Variants in IL15 observed in about 807,000 individuals in gnomAD.
IL15 encodes the protein interleukin 15.
IL15 carries 11 observed loss-of-function variants against 19.6 expected under a neutral mutation model. The observed-to-expected ratio is 0.56, with a 90% CI of 0.35 to 0.93. The LOEUF (loss-of-function observed/expected upper bound fraction) is 0.93. IL15 is among the 40% of genes least tolerant of loss of function. The pLI, the probability that IL15 is intolerant of heterozygous loss-of-function variation, is 0.01. For missense variants in IL15, 197 were observed against 186.5 expected (o/e 1.06, Z -0.33); for synonymous variants, 58 against 59.6 (o/e 0.97, Z 0.12).
At chr4:141,706,814 C>T (rs1729532166) in intron 2 of IL15, among the ~76,000 whole-genome samples, 1 of 151,852 alleles carries the variant, frequency 6.6e-6, no homozygotes, top group African/African-American at 2.4e-5. Context: ...TGAGTTAATA[C>T]ATTTGTCTTG....
intron 2 of IL15, among the ~76,000 whole-genome samples, chr4:141,661,115 A>G (rs1164012158): frequency 6.6e-6 from 1 of 152,228 alleles, no homozygotes; most frequent in Non-Finnish European, 1.5e-5. Context: ...AGCAAAACCC[A>G]GAGACAGTGA....
Position 141,727,626 on chromosome 4 carries a change from C to G in IL15, c.196-314C>G, listed in dbSNP as rs1159211882. ...ATGCAAATGATAAAATTGCATAAAA[C>G]TTCACACATATGCAAGCACACACAC... is the stretch of plus-strand genomic sequence containing the variant. On this transcript the variant is annotated intron_variant, in intron 5 of 7. Transcript: ENST00000320650. Among the ~76,000 whole-genome samples, 6 of 152,174 alleles carry G rather than the reference C, an allele frequency of 3.9e-5. No individual in the cohort carries two copies. In the South Asian group the frequency reaches 8.3e-4, roughly 21 times the overall value.
chr4:141,644,025 G>A (rs754150500), intron 1 of IL15, among the ~76,000 whole-genome samples: 3 of 151,530 alleles, frequency 2.0e-5, no homozygotes, highest in East Asian at 2.0e-4. Flanking sequence ...TGTCCTTAAC[G>A]TCTCTTTATG....
intron 1 of IL15, among the ~76,000 whole-genome samples, chr4:141,652,340 A>G (rs1266673636): frequency 1.3e-5 from 2 of 152,080 alleles, no homozygotes; most frequent in Non-Finnish European, 2.9e-5. Flanking sequence ...AGTGCTATAA[A>G]AGATAAGTTC....
chr4:141,710,897 C>T lies in IL15; in HGVS notation c.-99-8469C>T, dbSNP rs188693143. On this transcript the variant is annotated intron_variant, in intron 2 of 7. Coordinates refer to ENST00000320650, the MANE Select transcript of IL15 (RefSeq NM_000585.5). ...AATCATCAGAGTATGAGTTTACTTC[C>T]TCCTCTTCCTTTTCCTACACCATTT... 5.4e-4 allele frequency among the ~76,000 whole-genome samples: 82 copies of T among 152,066 alleles called. 1 individual carries two copies. Among genetic ancestry groups the T allele is most frequent in the Non-Finnish European group, 7.4e-5 (5 of 67,948 alleles).
intron 2 of IL15, among the ~76,000 whole-genome samples, chr4:141,692,935 A>G (rs1164997555): frequency 1.4e-5 from 2 of 146,892 alleles, no homozygotes; most frequent in East Asian, 4.0e-4. Flanking sequence ...GTATTAGTCC[A>G]TTTTCACACT....
intron 1 of IL15, among the ~76,000 whole-genome samples, chr4:141,652,024 A>T (rs1727423875): frequency 1.3e-5 from 2 of 152,168 alleles, no homozygotes; most frequent in South Asian, 4.1e-4. Flanking sequence ...ATCCCACAGA[A>T]GGGATGAGGC....
intron 2 of IL15, among the ~76,000 whole-genome samples, chr4:141,660,536 C>T (rs779583663): frequency 9.9e-5 from 15 of 151,972 alleles, no homozygotes; most frequent in Non-Finnish European, 1.3e-4. Flanking sequence ...CACCAGGTGC[C>T]GTAATTACTA....
intron 5 of IL15, 52 bp from the exon 6 acceptor site, chr4:141,727,888 T>C (rs1324663514): frequency 1.3e-6 from 1 of 783,960 alleles, no homozygotes; most frequent in East Asian, 2.6e-5. Context: ...GTTCTCATAA[T>C]ATTTAAAGCA....
intron 1 of IL15, among the ~76,000 whole-genome samples, chr4:141,643,965 C>T (rs1727136380): frequency 6.6e-6 from 1 of 151,768 alleles, no homozygotes; most frequent in South Asian, 2.1e-4. Flanking sequence ...TACCTGATGT[C>T]AATTTCATTC....
intron 2 of IL15, among the ~76,000 whole-genome samples, chr4:141,670,408 GAATTAAATAA>G (rs1728132424): frequency 6.6e-6 from 1 of 152,066 alleles, no homozygotes; most frequent in Admixed American, 6.5e-5. Context: ...ACTATAGATA[GAATTAAATAA>G]AAACAATATG....
intron 1 of IL15, among the ~76,000 whole-genome samples, chr4:141,637,796 T>C (rs1726906695): frequency 6.6e-6 from 1 of 152,220 alleles, no homozygotes; most frequent in Admixed American, 6.5e-5. Flanking sequence ...TATCTAATAT[T>C]ATGATACTGG....
At chr4:141,688,859 G>A (rs1728795965) in intron 2 of IL15, 1 of 162,788 alleles carries the variant, frequency 6.1e-6, no homozygotes, top group Non-Finnish European at 1.3e-5. Flanking sequence ...GAATTGATGG[G>A]TTCTTGGTCT....
At chr4:141,711,532 T>A (rs1482834807) in intron 2 of IL15, among the ~76,000 whole-genome samples, 1 of 152,098 alleles carries the variant, frequency 6.6e-6, no homozygotes, top group Non-Finnish European at 1.5e-5. Flanking sequence ...TATGTGCTTT[T>A]TATATGCTTA....
At chr4:141,669,454 G>A (rs1372708986) in intron 2 of IL15, among the ~76,000 whole-genome samples, 1 of 152,162 alleles carries the variant, frequency 6.6e-6, no homozygotes, top group African/African-American at 2.4e-5. Flanking sequence ...AGACTAAGTT[G>A]TTGCAAATAG....
intron 1 of IL15, among the ~76,000 whole-genome samples, chr4:141,655,760 CT>C (rs1395320453): frequency 1.3e-5 from 2 of 152,244 alleles, no homozygotes; most frequent in Non-Finnish European, 2.9e-5. Context: ...TGCCACTTCA[CT>C]TTTAGAATAA....
In IL15 at chr4:141,645,192, A is replaced by G. The variant is rs558244874; in HGVS notation, c.-222+8444A>G. Among the ~76,000 whole-genome samples, 9 of 152,330 alleles carry G rather than the reference A, an allele frequency of 5.9e-5. No individual in the cohort carries two copies. In the East Asian group the frequency reaches 1.7e-3, roughly 29 times the overall value. ...TCATTCACTCCGTTAGATAAAAGACATAACCAGAAAATCCTTGAGACAAGT... is the reference window on the plus strand; with the variant it reads ...TCATTCACTCCGTTAGATAAAAGACGTAACCAGAAAATCCTTGAGACAAGT... On this transcript the variant is annotated intron_variant, in intron 1 of 7. Coordinates refer to ENST00000320650, the MANE Select transcript of IL15 (RefSeq NM_000585.5).
At chr4:141,723,906 A>C (rs1266837463) in intron 5 of IL15, among the ~76,000 whole-genome samples, 7 of 152,160 alleles carry the variant, frequency 4.6e-5, no homozygotes, top group Non-Finnish European at 8.8e-5. Flanking sequence ...TGAGGACTTC[A>C]CTGCCTCCTC....
chr4:141,642,750 C>T (rs1727093888), intron 1 of IL15, among the ~76,000 whole-genome samples: 1 of 152,226 alleles, frequency 6.6e-6, no homozygotes, highest in South Asian at 2.1e-4. Context: ...TCCCCACCTA[C>T]TGCCCAGGCA....
Sources: allele counts gnomAD v4.1 joint callset (sites outside exome capture counted in the v4.1 genomes callset), GRCh38; gene constraint gnomAD v4.1.1; transcripts MANE v1.5; gene names NCBI Gene and HGNC (gene_info 2026-07-23, HGNC 2026-07-21).